SVIL: variants seen among roughly 807,000 people sequenced by gnomAD.
SVIL encodes the protein archvillin.
In SVIL, 101 loss-of-function variants were observed where a neutral mutation model predicts 240.4. That is an observed-to-expected ratio of 0.42 (90% CI 0.36 to 0.50). The LOEUF is 0.50. SVIL is among the 20% of genes least tolerant of loss of function. The pLI is 0.01. For synonymous variants in SVIL, 999 were observed against 1,100.0 expected, an observed-to-expected ratio of 0.91 and a Z score of 1.82; for missense variants, 2,512 against 2,818.7, an observed-to-expected ratio of 0.89 and a Z score of 2.46.
chr10:29,541,925 C>A (rs1207842837), intron 6 of SVIL, among the ~76,000 whole-genome samples: 2 of 152,138 alleles, frequency 1.3e-5, no homozygotes, highest in Non-Finnish European at 2.9e-5. Context: ...TACAAGAACC[C>A]CAATCCCAGA....
In SVIL at chr10:29,473,995, AAC is replaced by A. The variant is rs1482724446; in HGVS notation, c.5378-8_5378-7del. The A allele has an allele frequency of 6.2e-6, 10 of 1,612,616 alleles. No homozygotes were observed. Among genetic ancestry groups the A allele is most frequent in the African/African-American group, 2.7e-5 (2 of 74,910 alleles). Reference sequence around the variant, plus strand: ...TCCCTTCTGGCGACTTCCCACTGCAAACACAGAATGGCAGAGGGACAGGTCAG... The same window carrying A: ...TCCCTTCTGGCGACTTCCCACTGCAAACAGAATGGCAGAGGGACAGGTCAG... On this transcript the variant is annotated splice_region_variant and splice_polypyrimidine_tract_variant and intron_variant, in intron 29 of 37. Transcript: ENST00000355867.
chr10:29,635,864 G>A (rs1958292471), upstream of SVIL, among the ~76,000 whole-genome samples: 1 of 152,172 alleles, frequency 6.6e-6, no homozygotes. Context: ...GCTGTGTGCT[G>A]CGCGGGGCCT....
intron 1 of SVIL, among the ~76,000 whole-genome samples, chr10:29,626,326 T>A (rs886909929): frequency 3.3e-5 from 5 of 152,166 alleles, no homozygotes; most frequent in Non-Finnish European, 5.9e-5. Flanking sequence ...AGAGAATCGC[T>A]CAGGGTACTT....
chr10:29,607,211 T>C (rs112156855), intron 1 of SVIL, among the ~76,000 whole-genome samples: 1 of 152,354 alleles, frequency 6.6e-6, no homozygotes, highest in Non-Finnish European at 1.5e-5. Flanking sequence ...TCAAAATTTA[T>C]GTATTCTCAT....
intron 1 of SVIL, among the ~76,000 whole-genome samples, chr10:29,611,603 T>C (rs965158171): frequency 6.6e-6 from 1 of 152,128 alleles, no homozygotes; most frequent in African/African-American, 2.4e-5. Flanking sequence ...AGCAAACCAA[T>C]GCCAAAGGTA....
At chr10:29,644,096 T>C in intron 3 of SVIL, 1 of 479,548 alleles carries the variant, frequency 2.1e-6, no homozygotes, top group Non-Finnish European at 4.2e-6. Context: ...TTCTGTCTGC[T>C]GTCAAGCAGC....
rs559131319 is a variant in SVIL at position 29,624,124 on chromosome 10, G to A, written c.-201+10296C>T. ...GGGAGTCACAGCCCCTTTAAGAAGA[G>A]TAATGAAAACAATGGATGCTCTCCT... On this transcript the variant is annotated intron_variant, in intron 1 of 37. Transcript: ENST00000355867. Among the ~76,000 whole-genome samples, 276 of 141,684 alleles carry A rather than the reference G, an allele frequency of 1.9e-3. 3 individuals carry two copies. The highest frequency in any genetic ancestry group is 6.9e-3 in the African/African-American group (263 of 38,114). 93.0% of individuals were successfully genotyped at this position (141,684 alleles called of 152,430 possible).
At chr10:29,475,908 T>G (rs1336108157) in intron 29 of SVIL, among the ~76,000 whole-genome samples, 12 of 152,228 alleles carry the variant, frequency 7.9e-5, no homozygotes, top group Non-Finnish European at 1.8e-4. Flanking sequence ...TTTAAGTTCT[T>G]AAAAGGTAGG....
intron 17 of SVIL, among the ~76,000 whole-genome samples, chr10:29,506,765 G>GT (rs1564535629): frequency 3.4e-4 from 51 of 149,468 alleles, no homozygotes; most frequent in African/African-American, 1.2e-3. Context: ...GGGGACAGAG[G>GT]CCCTAGAGGG....
intron 15 of SVIL, among the ~76,000 whole-genome samples, chr10:29,523,234 A>G (rs1950675727): frequency 6.6e-6 from 1 of 152,224 alleles, no homozygotes. Flanking sequence ...AACTCCATGA[A>G]GATGTGTGAA....
chr10:29,543,225 A>C (rs958411939), intron 6 of SVIL, among the ~76,000 whole-genome samples: 11 of 152,232 alleles, frequency 7.2e-5, no homozygotes, highest in African/African-American at 2.7e-4. Context: ...GAGAGAGAGA[A>C]GTTACCAAAA....
chr10:29,470,731 A>G (rs1945477237), intron 31 of SVIL, among the ~76,000 whole-genome samples: 1 of 152,226 alleles, frequency 6.6e-6, no homozygotes. Context: ...TCCACAATGT[A>G]GAAAAGCCAT....
At chr10:29,632,315 AC>A (rs1222932597) in intron 1 of SVIL, among the ~76,000 whole-genome samples, 1 of 151,890 alleles carries the variant, frequency 6.6e-6, no homozygotes, top group Non-Finnish European at 1.5e-5. Context: ...ACATGATGAA[AC>A]CCTGTCTCTA....
Position 29,551,314 on chromosome 10 carries a change from T to C in SVIL, c.161-51A>G, listed in dbSNP as rs752586767. On this transcript the variant is annotated intron_variant, in intron 5 of 37. Transcript: ENST00000355867. Reference sequence around the variant, plus strand: ...GGTGCAGATTTCAAGTAAAGACATGTATTTACACACAGAATGACACTCTAC... The same window carrying C: ...GGTGCAGATTTCAAGTAAAGACATGCATTTACACACAGAATGACACTCTAC... 10 of 1,500,092 alleles carry C rather than the reference T, an allele frequency of 6.7e-6. 1 individual carries two copies. In the South Asian group the frequency reaches 1.0e-4, roughly 16 times the overall value. The allele number at this position is 1,500,092 out of a possible 1,614,324, so 92.9% of individuals were successfully genotyped here. A position where few individuals can be genotyped will look rare whatever the true frequency, so the allele number is the denominator to read the frequency against.
intron 2 of SVIL, among the ~76,000 whole-genome samples, chr10:29,675,722 T>C (rs1396220833): frequency 1.3e-5 from 2 of 152,136 alleles, no homozygotes; most frequent in African/African-American, 4.8e-5. Context: ...AGAAAAACCA[T>C]ACCGTTTCCT....
At chr10:29,606,261 T>C (rs1301844397) in intron 1 of SVIL, among the ~76,000 whole-genome samples, 5 of 151,386 alleles carry the variant, frequency 3.3e-5, no homozygotes, top group African/African-American at 1.2e-4. Flanking sequence ...CCCAGGCTTG[T>C]CTTAAACTCC....
At chr10:29,539,873 A>T (rs1589165857) in intron 6 of SVIL, among the ~76,000 whole-genome samples, 1 of 152,096 alleles carries the variant, frequency 6.6e-6, no homozygotes, top group East Asian at 1.9e-4. Flanking sequence ...CCCTGCTTCG[A>T]GTTGCCTTGG....
intron 3 of SVIL, among the ~76,000 whole-genome samples, chr10:29,562,498 C>G (rs1188824307): frequency 6.6e-6 from 1 of 152,200 alleles, no homozygotes; most frequent in Admixed American, 6.5e-5. Context: ...CGGTGGCTCA[C>G]GCCTGTAATC....
At chr10:29,540,706 C>CA (rs3837303) in intron 6 of SVIL, among the ~76,000 whole-genome samples, 7,589 of 152,276 alleles carry the variant, frequency 0.05, 271 homozygotes, top group Admixed American at 0.11. Flanking sequence ...GCAAGGAAGA[C>CA]ACCAAGAACT....
Sources: allele counts gnomAD v4.1 joint callset (sites outside exome capture counted in the v4.1 genomes callset), GRCh38; gene constraint gnomAD v4.1.1; transcripts MANE v1.5; gene names NCBI Gene and HGNC (gene_info 2026-07-23, HGNC 2026-07-21).